MALRD1: variants seen among roughly 807,000 people sequenced by gnomAD.
The protein encoded by MALRD1 is MAM and LDL receptor class A domain containing 1, also known as MAM and LDL-receptor class A domain-containing protein 1.
A neutral mutation model predicts 242.1 loss-of-function variants in MALRD1; 247 were observed. That is an observed-to-expected ratio of 1.02 (90% CI 0.92 to 1.13). The LOEUF is 1.13. Among genes scored for constraint, MALRD1 ranks in the 50% most tolerant of loss-of-function variants. The probability of loss-of-function intolerance (pLI) is 0.00; values close to 1 mark genes in which losing one functional copy is unlikely to be tolerated. For missense variants in MALRD1, 2,989 were observed against 2,533.1 expected (o/e 1.18, Z -3.86); for synonymous variants, 995 against 866.6 (o/e 1.15, Z -2.60).
intron 24 of MALRD1, among the ~76,000 whole-genome samples, chr10:19,345,368 G>T (rs1241767235): frequency 1.3e-5 from 2 of 152,016 alleles, no homozygotes; most frequent in African/African-American, 4.8e-5. Flanking sequence ...AAATTTTCCA[G>T]CACAAGGCAA....
intron 38 of MALRD1, among the ~76,000 whole-genome samples, chr10:19,708,304 G>GTT (rs1337164103): frequency 1.0e-5 from 1 of 95,862 alleles, no homozygotes; most frequent in African/African-American, 3.2e-5. Flanking sequence ...GATGTTATGT[G>GTT]TTTTTTTTTT....
rs201436570 is a variant in MALRD1 at position 19,437,511 on chromosome 10, TA to T, written c.4846-12795del. On this transcript the variant is annotated intron_variant, in intron 28 of 39. Coordinates refer to ENST00000454679, the MANE Select transcript of MALRD1 (RefSeq NM_001142308.3). The stretch of plus-strand genomic sequence containing the variant: ...CCCAGAAATTGTCTTTTATTATTAT[TA>T]TTATTTTTTGTTATTGTTTCTCCTC... 5.3e-4 allele frequency among the ~76,000 whole-genome samples: 81 copies of T among 152,104 alleles called. 1 individual carries two copies. The East Asian group carries it at 0.012, about 22-fold the overall frequency.
intron 11 of MALRD1, among the ~76,000 whole-genome samples, chr10:19,148,665 G>A (rs1289579027): frequency 2.0e-5 from 3 of 151,168 alleles, no homozygotes; most frequent in Admixed American, 1.3e-4. Context: ...CCGGTGAGAT[G>A]AAGAATAGTG....
intron 34 of MALRD1, among the ~76,000 whole-genome samples, chr10:19,598,657 T>C (rs1655873867): frequency 6.6e-6 from 1 of 151,928 alleles, no homozygotes; most frequent in South Asian, 2.1e-4. Context: ...TCAGAATGTG[T>C]TTGGAAGTGT....
intron 5 of MALRD1, among the ~76,000 whole-genome samples, chr10:19,113,653 C>CT (rs990917972): frequency 4.6e-5 from 7 of 150,902 alleles, no homozygotes; most frequent in East Asian, 1.9e-4. Context: ...TTCTTTCTTT[C>CT]TTTTTTTTCT....
rs1202316664 is a variant in MALRD1 at position 19,454,429 on chromosome 10, T to TAC, written c.5029+3940_5029+3941insCA. On this transcript the variant is annotated intron_variant, in intron 29 of 39. Coordinates refer to ENST00000454679, the MANE Select transcript of MALRD1 (RefSeq NM_001142308.3). ...TGATATATATATATATATATATATATATAATTATATGATACATACATATAA... is the reference window on the plus strand; with the variant it reads ...TGATATATATATATATATATATATATACATAATTATATGATACATACATATAA... Among the ~76,000 whole-genome samples, 282 of 141,208 alleles carry TAC rather than the reference T, an allele frequency of 2.0e-3. 5 individuals are homozygous for TAC. The highest frequency in any genetic ancestry group is 1.3e-3 in the Non-Finnish European group (85 of 65,020). The allele number at this position is 141,208 out of a possible 152,430, so 92.6% of individuals were successfully genotyped here.
intron 1 of MALRD1, among the ~76,000 whole-genome samples, chr10:19,061,866 T>C (rs1203819039): frequency 6.6e-6 from 1 of 152,164 alleles, no homozygotes; most frequent in African/African-American, 2.4e-5. Context: ...TAATATTAGA[T>C]GTGGTAAAGA....
chr10:19,623,988 G>A (rs1258328352), intron 36 of MALRD1, among the ~76,000 whole-genome samples: 1 of 152,104 alleles, frequency 6.6e-6, no homozygotes, highest in East Asian at 1.9e-4. Context: ...ATGTTAAGAT[G>A]TCATTTCTCA....
intron 33 of MALRD1, among the ~76,000 whole-genome samples, chr10:19,571,597 A>G (rs188733435): frequency 3.3e-5 from 5 of 152,176 alleles, no homozygotes; most frequent in Non-Finnish European, 7.4e-5. Flanking sequence ...GCAGTTTTCC[A>G]ATGAAATATA....
At chr10:19,630,049 A>G (rs1839837680) in intron 36 of MALRD1, among the ~76,000 whole-genome samples, 1 of 152,154 alleles carries the variant, frequency 6.6e-6, no homozygotes, top group Non-Finnish European at 1.5e-5. Context: ...GACTTTTCTT[A>G]TCCTCTGAAA....
chr10:19,714,648 C>G (rs1834296833), intron 38 of MALRD1, among the ~76,000 whole-genome samples: 1 of 152,136 alleles, frequency 6.6e-6, no homozygotes, highest in Admixed American at 6.5e-5. Flanking sequence ...CCCTGTCCCC[C>G]TCCCCGTATC....
chr10:19,429,970 T>C (rs1369058590), intron 28 of MALRD1, among the ~76,000 whole-genome samples: 4 of 152,172 alleles, frequency 2.6e-5, no homozygotes, highest in Non-Finnish European at 5.9e-5. Context: ...CAGTCATTAC[T>C]TCTTAAGGTC....
chr10:19,343,924 G>A (rs985011604), intron 24 of MALRD1, among the ~76,000 whole-genome samples: 1 of 152,060 alleles, frequency 6.6e-6, no homozygotes, highest in Non-Finnish European at 1.5e-5. Context: ...AGCTTGTAAT[G>A]TTGAATATTA....
chr10:19,409,790 T>C (rs1375938449), intron 28 of MALRD1, among the ~76,000 whole-genome samples: 3 of 152,020 alleles, frequency 2.0e-5, no homozygotes, highest in African/African-American at 7.3e-5. Context: ...TAAATTTACA[T>C]TCTAGTAGTG....
intron 18 of MALRD1, among the ~76,000 whole-genome samples, chr10:19,237,513 C>CAT (rs34727263): frequency 0.13 from 14,958 of 113,592 alleles, 1,400 homozygotes; most frequent in Admixed American, 0.26. Flanking sequence ...TGTGTGTGTC[C>CAT]ATATATATAT....
chr10:19,238,572 A>AT (rs1491406572), intron 18 of MALRD1, among the ~76,000 whole-genome samples: 1 of 117,278 alleles, frequency 8.5e-6, no homozygotes, highest in Non-Finnish European at 1.7e-5. Context: ...TATAATATAC[A>AT]TAATGTATAT....
chr10:19,302,979 A>G (rs1456971421), intron 21 of MALRD1, among the ~76,000 whole-genome samples: 1 of 151,740 alleles, frequency 6.6e-6, no homozygotes, highest in Non-Finnish European at 1.5e-5. Flanking sequence ...AAGAAATGCA[A>G]AAAGTTGAAA....
chr10:19,075,225 A>G lies in MALRD1; in HGVS notation c.340+8366A>G, dbSNP rs566218938. Reference sequence around the variant, plus strand: ...TTGTCTACCTAATTGTGGCAGGCAGATGATAAAATCTGCCCCCGTCCCCAA... The same window carrying G: ...TTGTCTACCTAATTGTGGCAGGCAGGTGATAAAATCTGCCCCCGTCCCCAA... On this transcript the variant is annotated intron_variant, in intron 2 of 39. Transcript: ENST00000454679. Among the ~76,000 whole-genome samples, 21 of 152,210 alleles carry G rather than the reference A, an allele frequency of 1.4e-4. No homozygotes were observed. In the South Asian group the frequency reaches 3.9e-3, roughly 29 times the overall value.
At chr10:19,707,916 A>G (rs1833940635) in intron 38 of MALRD1, among the ~76,000 whole-genome samples, 1 of 121,070 alleles carries the variant, frequency 8.3e-6, no homozygotes, top group South Asian at 3.1e-4. Context: ...AAGATTGGAG[A>G]TTGGCCACTG....
Sources: gnomAD v4.1 joint callset for allele counts (sites outside exome capture counted in the v4.1 genomes callset) on GRCh38, gnomAD v4.1.1 for gene constraint, MANE v1.5 for transcripts, NCBI Gene and HGNC (gene_info 2026-07-23, HGNC 2026-07-21) for gene names.